Variants in FRMPD1 observed in about 807,000 individuals in gnomAD.
FRMPD1 encodes FERM and PDZ domain-containing protein 1.
Under a neutral mutation model 117.8 loss-of-function variants are expected in FRMPD1, and 76 were observed. That is an observed-to-expected ratio of 0.65 (90% CI 0.54 to 0.78). FRMPD1 has a LOEUF of 0.78. FRMPD1 is among the 30% of genes least tolerant of loss of function. The pLI, the probability that FRMPD1 is intolerant of heterozygous loss-of-function variation, is 0.00. For missense variants in FRMPD1, 1,786 were observed against 1,964.5 expected, an observed-to-expected ratio of 0.91 and a Z score of 1.72; for synonymous variants, 783 against 770.4, an observed-to-expected ratio of 1.02 and a Z score of -0.27.
At chr9:37,652,205 C>A (rs1820697211) in intron 1 of FRMPD1, among the ~76,000 whole-genome samples, 1 of 152,092 alleles carries the variant, frequency 6.6e-6, no homozygotes, top group Admixed American at 6.5e-5. Flanking sequence ...GACCTAGAGG[C>A]CAGCATCTAC....
At chr9:37,604,608 T>C in the FRMPD1 span, among the ~76,000 whole-genome samples, 18 of 152,230 alleles carry the variant, frequency 1.2e-4, no homozygotes, top group Non-Finnish European at 7.3e-5. Context: ...AAAATAGTTA[T>C]GTAATGATTC....
intron 1 of FRMPD1, among the ~76,000 whole-genome samples, chr9:37,661,297 AG>A (rs755943146): frequency 2.4e-4 from 37 of 152,110 alleles, no homozygotes; most frequent in Non-Finnish European, 4.3e-4. Context: ...ATCAGGCCTG[AG>A]TTTACCAGTT....
At chr9:37,625,030 T>C in the FRMPD1 span, among the ~76,000 whole-genome samples, 162 of 152,328 alleles carry the variant, frequency 1.1e-3, no homozygotes, top group African/African-American at 3.4e-3. Context: ...AATATTTAAC[T>C]TCTTTCATCA....
the FRMPD1 span, among the ~76,000 whole-genome samples, chr9:37,636,190 T>C: frequency 6.6e-6 from 1 of 152,234 alleles, no homozygotes; most frequent in African/African-American, 2.4e-5. Flanking sequence ...GCTGGGCCCC[T>C]GTGGCCTCCA....
intron 1 of FRMPD1, among the ~76,000 whole-genome samples, chr9:37,678,816 C>A (rs1259472061): frequency 2.6e-5 from 4 of 152,260 alleles, no homozygotes; most frequent in Non-Finnish European, 5.9e-5. Context: ...CATCAAAACA[C>A]TTTCCAGGAA....
intron 12 of FRMPD1, among the ~76,000 whole-genome samples, 159 bp downstream of exon 12, chr9:37,733,984 G>A (rs377733319): frequency 4.0e-4 from 61 of 152,244 alleles, no homozygotes; most frequent in African/African-American, 1.3e-3. Context: ...TATTTACCAC[G>A]CGTTTGCTTG....
intron 5 of FRMPD1, among the ~76,000 whole-genome samples, chr9:37,712,617 A>G (rs1417840272): frequency 6.6e-6 from 1 of 152,186 alleles, no homozygotes. Context: ...CGGCTTCCCA[A>G]AGTGCTGGGA....
rs1021003896 is a variant in FRMPD1, at chr9:37,744,729, C to T, written c.2697C>T (p.Thr899=). The T allele has an allele frequency of 2.5e-6, 4 of 1,613,770 alleles. No homozygotes were observed. In the African/African-American group the frequency reaches 5.3e-5, roughly 22 times the overall value. Residue 899 remains threonine (T), a synonymous_variant, in exon 16 of 16, where the codon ACC becomes ACT. Coordinates refer to ENST00000377765, the MANE Select transcript of FRMPD1 (RefSeq NM_014907.3). ...DMQGEPGLLE[T]KALGLLAPLR... is the part of the protein sequence containing the mutation. Reference sequence around the variant, plus strand: ...AGGGTGAGCCTGGCCTTCTGGAGACCAAGGCCTTGGGGCTGCTGGCTCCTC... The same window carrying T: ...AGGGTGAGCCTGGCCTTCTGGAGACTAAGGCCTTGGGGCTGCTGGCTCCTC...
the FRMPD1 span, among the ~76,000 whole-genome samples, chr9:37,627,893 T>C: frequency 6.6e-6 from 1 of 152,276 alleles, no homozygotes; most frequent in East Asian, 1.9e-4. Flanking sequence ...TTAATAATTA[T>C]CAGCAGGGCC....
At chr9:37,728,996 T>C (rs1025026197) in intron 7 of FRMPD1, among the ~76,000 whole-genome samples, 1 of 147,464 alleles carries the variant, frequency 6.8e-6, no homozygotes. Flanking sequence ...CTCAGTTGCA[T>C]AGTGAGTGGG....
upstream of FRMPD1, among the ~76,000 whole-genome samples, chr9:37,647,830 A>T (rs928815917): frequency 5.9e-5 from 9 of 152,366 alleles, no homozygotes; most frequent in South Asian, 1.2e-3. Flanking sequence ...AAGGAAGAAG[A>T]AGTTTGTCCA....
the FRMPD1 span, among the ~76,000 whole-genome samples, chr9:37,611,250 G>A: frequency 6.6e-6 from 1 of 152,216 alleles, no homozygotes; most frequent in Non-Finnish European, 1.5e-5. Context: ...ACGTATGTGA[G>A]AGGTTAGAAG....
At chr9:37,675,549 G>C (rs1821498804) in intron 1 of FRMPD1, among the ~76,000 whole-genome samples, 1 of 152,162 alleles carries the variant, frequency 6.6e-6, no homozygotes, top group African/African-American at 2.4e-5. Context: ...GTTGGATATG[G>C]GGGGAGGGTA....
chr9:37,693,362 G>A (rs1000866583), intron 2 of FRMPD1: 1 of 152,176 alleles, frequency 6.6e-6, no homozygotes, highest in Non-Finnish European at 1.5e-5. Context: ...TTTTTGCTTG[G>A]ATTTCCCATC....
At chr9:37,670,331 G>C (rs1310371305) in intron 1 of FRMPD1, among the ~76,000 whole-genome samples, 1 of 152,170 alleles carries the variant, frequency 6.6e-6, no homozygotes, top group Non-Finnish European at 1.5e-5. Context: ...GATAAATACA[G>C]GAGAATCATC....
chr9:37,620,700 A>G, the FRMPD1 span, among the ~76,000 whole-genome samples: 6 of 152,092 alleles, frequency 3.9e-5, no homozygotes, highest in African/African-American at 1.4e-4. Flanking sequence ...TTTATATGCT[A>G]TAGAAAGTAT....
chr9:37,613,802 G>A, the FRMPD1 span, among the ~76,000 whole-genome samples: 920 of 152,232 alleles, frequency 6.0e-3, 30 homozygotes, highest in East Asian at 0.045. Context: ...TACTATGTGC[G>A]GCTTCATGGC....
chr9:37,717,798 C>A (rs1486646993), intron 5 of FRMPD1, among the ~76,000 whole-genome samples: 1 of 152,174 alleles, frequency 6.6e-6, no homozygotes, highest in Non-Finnish European at 1.5e-5. Flanking sequence ...TTCTTCCATT[C>A]TCTGTTCCGT....
At position 37,740,169 on chromosome 9, in the gene FRMPD1, G is replaced by A. The variant is rs1563961360; in HGVS notation, c.1641G>A (p.Leu547=). 3 of 1,613,874 alleles carry A rather than the reference G, an allele frequency of 1.9e-6. No homozygotes were observed. The highest frequency in any genetic ancestry group is 2.5e-6 in the Non-Finnish European group (3 of 1,179,848). ...TCTCTGACAGGCGCCTGGTGAAACTGGCACCCTGCAGATCACTCATAAAGG... is the reference window on the plus strand; with the variant it reads ...TCTCTGACAGGCGCCTGGTGAAACTAGCACCCTGCAGATCACTCATAAAGG... ...EPLSDRRLVK[L]APCRSLIKEE... The change falls in exon 15 of 16, where the codon CTG becomes CTA. Residue 547 remains leucine, a synonymous_variant. Coordinates refer to ENST00000377765, the MANE Select transcript of FRMPD1 (RefSeq NM_014907.3). This position sits in a 1 kb window ranked among gnomAD's most constrained non-coding sequence, Gnocchi z 4.2.
Sources: gnomAD v4.1 joint callset for allele counts (sites outside exome capture counted in the v4.1 genomes callset) on GRCh38, gnomAD v4.1.1 for gene constraint, Gnocchi (gnomAD v3.1) non-coding constraint, MANE v1.5 for transcripts, NCBI Gene and HGNC (gene_info 2026-07-23, HGNC 2026-07-21) for gene names.